Variants in MACROD2 observed in about 807,000 individuals in gnomAD.
MACROD2 encodes ADP-ribose glycohydrolase MACROD2.
A neutral mutation model predicts 70.4 loss-of-function variants in MACROD2; 36 were observed. The observed-to-expected ratio is 0.51, with a 90% CI of 0.39 to 0.68. The LOEUF is 0.68. Ranked by LOEUF, MACROD2 falls within the 30% of genes least tolerant of loss-of-function variation. MACROD2 has a pLI of 0.00. For missense variants in MACROD2, 496 were observed against 538.4 expected, an observed-to-expected ratio of 0.92 and a Z score of 0.78; for synonymous variants, 172 against 178.8, an observed-to-expected ratio of 0.96 and a Z score of 0.30.
chr20:14,466,362 T>C (rs1157644018), intron 3 of MACROD2, among the ~76,000 whole-genome samples: 2 of 152,148 alleles, frequency 1.3e-5, no homozygotes, highest in Non-Finnish European at 2.9e-5. Flanking sequence ...ACGTAGTTTT[T>C]GTGCCTTGGT....
At chr20:14,416,001 C>T (rs2083800036) in intron 3 of MACROD2, among the ~76,000 whole-genome samples, 1 of 151,116 alleles carries the variant, frequency 6.6e-6, no homozygotes, top group African/African-American at 2.4e-5. Context: ...GCTCTGTTGC[C>T]AGACTGGAGT....
At chr20:14,164,855 TA>T (rs778734346) in intron 3 of MACROD2, among the ~76,000 whole-genome samples, 28 of 152,270 alleles carry the variant, frequency 1.8e-4, no homozygotes, top group Middle Eastern at 3.4e-3. Flanking sequence ...GGAGCAACTG[TA>T]AGCAGGCGGC....
chr20:14,292,739 A>T (rs2082396823), intron 3 of MACROD2, among the ~76,000 whole-genome samples: 1 of 151,778 alleles, frequency 6.6e-6, no homozygotes, highest in African/African-American at 2.4e-5. Flanking sequence ...GGTTCAAACG[A>T]TTCTCCTGCC....
intron 3 of MACROD2, among the ~76,000 whole-genome samples, chr20:14,303,420 C>T (rs1308597586): frequency 6.6e-6 from 1 of 152,190 alleles, no homozygotes; most frequent in Non-Finnish European, 1.5e-5. Context: ...GATCCTCTCT[C>T]TGGGAAGCCA....
chr20:15,021,795 A>T lies in MACROD2; in HGVS notation c.419-208145A>T, dbSNP rs972234631. On this transcript the variant is annotated intron_variant, in intron 5 of 17. Coordinates refer to ENST00000684519, the MANE Select transcript of MACROD2 (RefSeq NM_001351661.2). ...TGTCATTATGCTTTTGACAAAACTC[A>T]TAGAGCTATGTAACATGAAGAGTGA... The T allele has an allele frequency of 3.5e-4, 54 of 152,140 alleles. 1 individual carries two copies. The highest frequency in any genetic ancestry group is 1.1e-3 in the African/African-American group (44 of 41,434). The allele number at this position is 152,140 out of a possible 1,614,324, so 9.4% of individuals were successfully genotyped here.
At chr20:14,719,956 A>G (rs1466145811) in intron 5 of MACROD2, among the ~76,000 whole-genome samples, 1 of 152,192 alleles carries the variant, frequency 6.6e-6, no homozygotes, top group Non-Finnish European at 1.5e-5. Context: ...GTATTTGGGC[A>G]GCTCTGGCTA....
At position 15,645,970 on chromosome 20, in the gene MACROD2, T is replaced by C. The variant is rs143306532; in HGVS notation, c.645+146123T>C. ...GTATTATTTGCTGTTCACAAATCCA[T>C]ATTATGCAAATATCAAAAGAATGAC... On this transcript the variant is annotated intron_variant, in intron 8 of 17. Transcript: ENST00000684519. 8.9e-4 allele frequency among the ~76,000 whole-genome samples: 136 copies of C among 152,316 alleles called. 1 individual carries two copies. The highest frequency in any genetic ancestry group is 3.0e-3 in the African/African-American group (123 of 41,568).
chr20:14,884,424 C>T (rs1237652167), intron 5 of MACROD2: 1 of 152,166 alleles, frequency 6.6e-6, no homozygotes, highest in Non-Finnish European at 1.5e-5. Flanking sequence ...TGGCTGTTTC[C>T]TGGGAACTCT....
At chr20:14,254,919 C>T (rs1293286206) in intron 3 of MACROD2, among the ~76,000 whole-genome samples, 1 of 151,998 alleles carries the variant, frequency 6.6e-6, no homozygotes, top group African/African-American at 2.4e-5. Flanking sequence ...CCTTCAGGAG[C>T]TCTTTTAGGG....
At chr20:14,350,101 T>A (rs553219071) in intron 3 of MACROD2, among the ~76,000 whole-genome samples, 26 of 152,132 alleles carry the variant, frequency 1.7e-4, no homozygotes, top group Non-Finnish European at 3.5e-4. Context: ...TGTGTATAAG[T>A]ACCATATTTA....
At chr20:15,947,197 G>T (rs1469151107) in intron 12 of MACROD2, among the ~76,000 whole-genome samples, 1 of 152,076 alleles carries the variant, frequency 6.6e-6, no homozygotes, top group Non-Finnish European at 1.5e-5. Flanking sequence ...AATCTCAACT[G>T]CAAGAGGCTT....
chr20:14,180,416 C>T (rs899764064), intron 3 of MACROD2, among the ~76,000 whole-genome samples: 8 of 152,066 alleles, frequency 5.3e-5, no homozygotes, highest in African/African-American at 1.9e-4. Flanking sequence ...ATATTACTCC[C>T]AAACTGGCCA....
intron 6 of MACROD2, among the ~76,000 whole-genome samples, chr20:15,420,375 C>G (rs1204491976): frequency 6.6e-6 from 1 of 152,098 alleles, no homozygotes; most frequent in East Asian, 1.9e-4. Flanking sequence ...AAAAAGAAAC[C>G]AAGTTATTAC....
Position 15,256,929 on chromosome 20 carries a change from G to GA in MACROD2, c.540+26877dup, listed in dbSNP as rs113291571. ...GGCCCAGAAAAAGAGCCTATTTTCG[G>GA]AAAAAAAAATTATTCTGCAACTTTA... On this transcript the variant is annotated intron_variant, in intron 6 of 17. Coordinates refer to ENST00000684519, the MANE Select transcript of MACROD2 (RefSeq NM_001351661.2). 2.2e-4 allele frequency among the ~76,000 whole-genome samples: 33 copies of GA among 150,596 alleles called. No homozygotes were observed. In the South Asian group the frequency reaches 2.7e-3, roughly 12 times the overall value.
chr20:15,705,123 T>A (rs1324991981), intron 8 of MACROD2, among the ~76,000 whole-genome samples: 1 of 152,204 alleles, frequency 6.6e-6, no homozygotes, highest in Non-Finnish European at 1.5e-5. Context: ...CTATTATAAA[T>A]TGATGTGTTT....
intron 2 of MACROD2, among the ~76,000 whole-genome samples, chr20:14,013,032 A>G (rs1336191916): frequency 1.3e-5 from 2 of 152,074 alleles, no homozygotes; most frequent in African/African-American, 2.4e-5. Flanking sequence ...TTTGTAATAG[A>G]TTTGGGTATA....
At chr20:15,637,184 C>A (rs2049382987) in intron 8 of MACROD2, among the ~76,000 whole-genome samples, 1 of 150,442 alleles carries the variant, frequency 6.6e-6, no homozygotes, top group African/African-American at 2.4e-5. Context: ...AGGGAACTAG[C>A]CTAGACTTAC....
At chr20:15,637,032 T>C (rs1423174308) in intron 8 of MACROD2, among the ~76,000 whole-genome samples, 1 of 152,198 alleles carries the variant, frequency 6.6e-6, no homozygotes, top group Non-Finnish European at 1.5e-5. Flanking sequence ...ATGCTGCAGA[T>C]AAGATTCAGC....
chr20:15,172,552 A>T (rs2145890077), intron 5 of MACROD2, among the ~76,000 whole-genome samples: 1 of 152,060 alleles, frequency 6.6e-6, no homozygotes, highest in Middle Eastern at 3.4e-3. Flanking sequence ...ATATTTGGCT[A>T]CTGTTTTGTT....
Sources: allele counts gnomAD v4.1 joint callset (sites outside exome capture counted in the v4.1 genomes callset), GRCh38; gene constraint gnomAD v4.1.1; transcripts MANE v1.5; gene names NCBI Gene and HGNC (gene_info 2026-07-23, HGNC 2026-07-21).